Variants in CPEB3 observed in about 807,000 individuals in gnomAD.
The protein encoded by CPEB3 is cytoplasmic polyadenylation element-binding protein 3.
CPEB3 carries 20 observed loss-of-function variants against 67.2 expected under a neutral mutation model. The observed-to-expected ratio is 0.30, with a 90% CI of 0.21 to 0.43. CPEB3 has a LOEUF of 0.43. CPEB3 is among the 20% of genes least tolerant of loss of function. The pLI, the probability that CPEB3 is intolerant of heterozygous loss-of-function variation, is 1.00. For missense variants in CPEB3, 746 were observed against 968.6 expected, an observed-to-expected ratio of 0.77 and a Z score of 3.05; for synonymous variants, 376 against 393.1, an observed-to-expected ratio of 0.96 and a Z score of 0.51.
chr10:92,268,817 T>C (rs569377055), intron 1 of CPEB3, among the ~76,000 whole-genome samples: 20 of 152,122 alleles, frequency 1.3e-4, no homozygotes, highest in Admixed American at 6.5e-4. Context: ...ATGGCAACCA[T>C]TGGGGTGGGG....
At chr10:92,171,531 G>C (rs1848000337) in intron 4 of CPEB3, among the ~76,000 whole-genome samples, 1 of 152,298 alleles carries the variant, frequency 6.6e-6, no homozygotes, top group East Asian at 1.9e-4. Flanking sequence ...TATAACTAGA[G>C]TTGAGAATTA....
At chr10:92,247,542 C>T (rs1852123170) in intron 1 of CPEB3, among the ~76,000 whole-genome samples, 1 of 152,108 alleles carries the variant, frequency 6.6e-6, no homozygotes, top group Non-Finnish European at 1.5e-5. Context: ...GGATTACAGG[C>T]ATGTGCCACC....
intron 1 of CPEB3, among the ~76,000 whole-genome samples, chr10:92,266,825 G>A (rs549446581): frequency 6.4e-4 from 98 of 152,232 alleles, no homozygotes; most frequent in African/African-American, 2.2e-3. Flanking sequence ...CCTGAGGTCA[G>A]GAGTTCGAGA....
intron 2 of CPEB3, among the ~76,000 whole-genome samples, chr10:92,219,047 G>A (rs1274334670): frequency 6.6e-6 from 1 of 152,106 alleles, no homozygotes; most frequent in Admixed American, 6.6e-5. Flanking sequence ...TTTCTTTGAT[G>A]GTTTAGAACA....
chr10:92,205,469 C>T (rs1849737293), intron 2 of CPEB3, among the ~76,000 whole-genome samples: 2 of 138,142 alleles, frequency 1.4e-5, no homozygotes, highest in African/African-American at 5.6e-5. Context: ...TAAATTCAGT[C>T]CTTTTTTTTT....
intron 3 of CPEB3, 59 bp downstream of exon 3, chr10:92,192,418 A>G (rs1384334967): frequency 1.5e-5 from 22 of 1,483,856 alleles, no homozygotes; most frequent in Non-Finnish European, 2.0e-5. Context: ...CAAAATTATT[A>G]AAAAGCTGAT....
At chr10:92,244,648 A>G (rs561900104) in intron 1 of CPEB3, among the ~76,000 whole-genome samples, 5 of 151,998 alleles carry the variant, frequency 3.3e-5, no homozygotes, top group Non-Finnish European at 7.4e-5. Context: ...TGTGTTAGCC[A>G]GGATGGTCTC....
intron 9 of CPEB3, among the ~76,000 whole-genome samples, chr10:92,073,542 G>A (rs1283350613): frequency 6.6e-6 from 1 of 152,090 alleles, no homozygotes; most frequent in African/African-American, 2.4e-5. Flanking sequence ...GGGCTTAATA[G>A]ATCCTCCTGC....
chr10:92,107,083 G>A (rs944841417), intron 7 of CPEB3, among the ~76,000 whole-genome samples: 1 of 152,100 alleles, frequency 6.6e-6, no homozygotes, highest in African/African-American at 2.4e-5. Context: ...ATACAAACAG[G>A]GGGAGGAGGA....
intron 2 of CPEB3, among the ~76,000 whole-genome samples, chr10:92,229,460 A>G (rs1293286083): frequency 1.3e-5 from 2 of 152,180 alleles, no homozygotes; most frequent in African/African-American, 4.8e-5. Context: ...AGATAAATTA[A>G]CTCCAAAAGA....
intron 2 of CPEB3, among the ~76,000 whole-genome samples, chr10:92,224,107 C>T: frequency 6.6e-6 from 1 of 151,928 alleles, no homozygotes; most frequent in East Asian, 1.9e-4. Flanking sequence ...ACCATGTTGG[C>T]CAAGCTGGTC....
rs925249251 is a variant in CPEB3 at position 92,216,761 on chromosome 10, G to C, written c.1005+22585C>G. The C allele has an allele frequency of 6.8e-6, 11 of 1,609,998 alleles. No individual in the cohort carries two copies. In the African/African-American group the frequency reaches 1.2e-4, roughly 18 times the overall value. ...CCAGGAGGCTTACGACGAGTGCCTG[G>C]AGGAGGTGCAGTCCCTGCCCCTACC... On this transcript the variant is annotated intron_variant, in intron 2 of 9. Coordinates refer to ENST00000265997, the MANE Select transcript of CPEB3 (RefSeq NM_014912.5).
At chr10:92,200,461 C>T (rs1421776987) in intron 2 of CPEB3, among the ~76,000 whole-genome samples, 2 of 145,898 alleles carry the variant, frequency 1.4e-5, no homozygotes, top group African/African-American at 2.5e-5. Context: ...AGGAGAATTG[C>T]TTAAACCCGG....
At chr10:92,199,339 C>T (rs1388807233) in intron 2 of CPEB3, among the ~76,000 whole-genome samples, 3 of 146,896 alleles carry the variant, frequency 2.0e-5, no homozygotes, top group Admixed American at 1.4e-4. Context: ...TGCGGTGAGC[C>T]GAGATCATGC....
chr10:92,122,906 G>A (rs925021215), intron 6 of CPEB3, among the ~76,000 whole-genome samples: 3 of 152,174 alleles, frequency 2.0e-5, no homozygotes, highest in African/African-American at 7.2e-5. Context: ...CTAAGTGCAC[G>A]GATTCCTAAA....
intron 4 of CPEB3, among the ~76,000 whole-genome samples, chr10:92,170,094 C>T (rs1178957552): frequency 6.6e-6 from 1 of 152,170 alleles, no homozygotes; most frequent in Non-Finnish European, 1.5e-5. Flanking sequence ...ATCTTGATAC[C>T]TGCATGCCTT....
rs561402297 is a variant in CPEB3 at position 92,049,867 on chromosome 10, ACTT to A, written c.*2342_*2344del. The stretch of plus-strand genomic sequence containing the variant: ...TTAATATTATAGTTATAAAGCTCTA[ACTT>A]CTTCATTTTCAAAAAACACAAATAA... On this transcript the variant is annotated 3_prime_UTR_variant, in exon 10 of 10. Transcript: ENST00000265997. 12 of 152,708 alleles carry A rather than the reference ACTT, an allele frequency of 7.9e-5. No homozygotes were observed. Among genetic ancestry groups the A allele is most frequent in the African/African-American group, 2.6e-4 (11 of 41,580 alleles). 9.5% of individuals were successfully genotyped at this position (152,708 alleles called of 1,614,324 possible). A position where few individuals can be genotyped will look rare whatever the true frequency, so the allele number is the denominator to read the frequency against.
chr10:92,216,667 G>A, intron 2 of CPEB3: 2 of 1,606,260 alleles, frequency 1.2e-6, no homozygotes, highest in Admixed American at 1.7e-5. Flanking sequence ...CCTCTAAGAC[G>A]GACCTGGGTG....
intron 2 of CPEB3, among the ~76,000 whole-genome samples, chr10:92,204,937 T>C (rs1159455023): frequency 4.7e-5 from 7 of 149,486 alleles, no homozygotes; most frequent in Admixed American, 3.4e-4. Context: ...GCCTCCCAGG[T>C]TCAAGCAATT....
Sources: allele counts gnomAD v4.1 joint callset (sites outside exome capture counted in the v4.1 genomes callset), GRCh38; gene constraint gnomAD v4.1.1; transcripts MANE v1.5; gene names NCBI Gene and HGNC (gene_info 2026-07-23, HGNC 2026-07-21).